Variants in YAP1 observed in about 807,000 individuals in gnomAD.
YAP1 encodes transcriptional coactivator YAP1.
YAP1 carries 5 observed loss-of-function variants against 56.9 expected under a neutral mutation model. That is an observed-to-expected ratio of 0.09 (90% CI 0.05 to 0.18). The LOEUF is 0.18. Among genes scored for constraint, YAP1 ranks in the 10% least tolerant of loss-of-function variants. The pLI is 1.00. For missense variants in YAP1, 539 were observed against 651.8 expected (o/e 0.83, Z 1.88); for synonymous variants, 265 against 248.1 (o/e 1.07, Z -0.64).
At chr11:102,176,745 C>CAAAAAAAAAAAAAAAAAAAAAAAAAAAAA (rs57082707) in intron 3 of YAP1, among the ~76,000 whole-genome samples, 10 of 45,510 alleles carry the variant, frequency 2.2e-4, no homozygotes, top group African/African-American at 3.6e-4. Context: ...GACTCCGTCT[C>CAAAAAAAAAAAAAAAAAAAAAAAAAAAAA]AAAAAAAAAA....
intron 3 of YAP1, among the ~76,000 whole-genome samples, chr11:102,166,113 T>C (rs1410931193): frequency 6.6e-6 from 1 of 152,208 alleles, no homozygotes; most frequent in African/African-American, 2.4e-5. Context: ...AACACATCGA[T>C]TCTAGGAGTC....
At chr11:102,210,120 A>C (rs1486071800) in intron 6 of YAP1, among the ~76,000 whole-genome samples, 1 of 152,190 alleles carries the variant, frequency 6.6e-6, no homozygotes, top group Non-Finnish European at 1.5e-5. Flanking sequence ...GATGAACCCC[A>C]GGGAGCCCTG....
chr11:102,175,669 T>A (rs4754838), intron 3 of YAP1, among the ~76,000 whole-genome samples: 1 of 152,220 alleles, frequency 6.6e-6, no homozygotes, highest in Admixed American at 6.5e-5. Context: ...CTTATCGCTC[T>A]TAGGCTACAA....
At chr11:102,124,484 A>G (rs1267298500) in intron 2 of YAP1, among the ~76,000 whole-genome samples, 2 of 152,150 alleles carry the variant, frequency 1.3e-5, no homozygotes, top group Non-Finnish European at 2.9e-5. Context: ...CTAAAGTACA[A>G]TTTCCAGGAC....
At chr11:102,121,438 CA>C (rs58207163) in intron 2 of YAP1, among the ~76,000 whole-genome samples, 9 of 144,506 alleles carry the variant, frequency 6.2e-5, no homozygotes, top group Admixed American at 6.8e-5. Context: ...GACCTTGTCT[CA>C]AAAAAAAAAA....
chr11:102,168,327 A>G (rs1014537767), intron 3 of YAP1, among the ~76,000 whole-genome samples: 1 of 152,226 alleles, frequency 6.6e-6, no homozygotes, highest in Non-Finnish European at 1.5e-5. Context: ...GTGATAATCC[A>G]GAAATAACTG....
chr11:102,223,375 G>A (rs1950045283), intron 6 of YAP1, among the ~76,000 whole-genome samples: 2 of 151,582 alleles, frequency 1.3e-5, no homozygotes, highest in African/African-American at 4.9e-5. Flanking sequence ...AGAAAACAAA[G>A]TAGCAAAATG....
chr11:102,155,056 G>A (rs1033612892), intron 2 of YAP1, among the ~76,000 whole-genome samples: 2 of 152,196 alleles, frequency 1.3e-5, no homozygotes, highest in Non-Finnish European at 2.9e-5. Flanking sequence ...CACAGCTGCT[G>A]AAGCAGAGGT....
At chr11:102,125,076 G>T (rs1424941395) in intron 2 of YAP1, among the ~76,000 whole-genome samples, 9 of 148,904 alleles carry the variant, frequency 6.0e-5, no homozygotes, top group African/African-American at 1.5e-4. Context: ...TTCCTCTGTT[G>T]CCCAGGCTGG....
intron 4 of YAP1, among the ~76,000 whole-genome samples, chr11:102,194,181 A>G (rs1591381072): frequency 6.6e-6 from 1 of 152,326 alleles, no homozygotes; most frequent in Middle Eastern, 3.4e-3. Context: ...AACATCTTAT[A>G]TGCTGGAAAA....
intron 7 of YAP1, among the ~76,000 whole-genome samples, chr11:102,225,232 C>T (rs908103448): frequency 6.6e-6 from 1 of 151,916 alleles, no homozygotes; most frequent in African/African-American, 2.4e-5. Flanking sequence ...GCCTGTAATC[C>T]CAGCACTTTG....
chr11:102,180,770 T>C (rs1947561822), intron 3 of YAP1, among the ~76,000 whole-genome samples: 4 of 152,094 alleles, frequency 2.6e-5, no homozygotes, highest in Admixed American at 2.0e-4. Flanking sequence ...GAAATTTTTT[T>C]ACTAGCACAG....
chr11:102,216,865 T>C (rs1437732757), intron 6 of YAP1, among the ~76,000 whole-genome samples: 1 of 152,240 alleles, frequency 6.6e-6, no homozygotes, highest in Non-Finnish European at 1.5e-5. Flanking sequence ...GCTTCTGTTC[T>C]GTATTTCAAA....
intron 4 of YAP1, among the ~76,000 whole-genome samples, chr11:102,189,198 A>G (rs1948147353): frequency 6.6e-6 from 1 of 151,996 alleles, no homozygotes. Flanking sequence ...TTTTCCCTGG[A>G]GATTTTGTAC....
intron 4 of YAP1, among the ~76,000 whole-genome samples, chr11:102,198,728 C>T (rs921650285): frequency 6.6e-6 from 1 of 152,060 alleles, no homozygotes; most frequent in South Asian, 2.1e-4. Context: ...TGTGATGAAT[C>T]TCAGATCAGT....
intron 2 of YAP1, among the ~76,000 whole-genome samples, chr11:102,115,608 TAA>T (rs11401798): frequency 6.6e-6 from 1 of 151,822 alleles, no homozygotes; most frequent in Non-Finnish European, 1.5e-5. Flanking sequence ...TCTTTTTTTT[TAA>T]AAAAATTCAT....
At position 102,209,617 on chromosome 11, in the gene YAP1, A is replaced by C. The variant is rs1233123584; in HGVS notation, c.1032+53A>C. On this transcript the variant is annotated intron_variant, in intron 6 of 8. Coordinates refer to ENST00000282441, the MANE Select transcript of YAP1 (RefSeq NM_001130145.3). ...TGGAAAAAAAAAAAAAAAGATATTA[A>C]ATTAGGAAAGAGAAACTTACATTCC... 5 of 1,467,512 alleles carry C rather than the reference A, an allele frequency of 3.4e-6. No individual in the cohort carries two copies. The African/African-American group carries it at 7.2e-5, about 21-fold the overall frequency. The allele number at this position is 1,467,512 out of a possible 1,614,324, so 90.9% of individuals were successfully genotyped here. A position where few individuals can be genotyped will look rare whatever the true frequency, so the allele number is the denominator to read the frequency against.
At chr11:102,190,554 C>T (rs370602674) in intron 4 of YAP1, among the ~76,000 whole-genome samples, 102 of 151,980 alleles carry the variant, frequency 6.7e-4, no homozygotes, top group African/African-American at 2.3e-3. Flanking sequence ...TGAATCCAGG[C>T]GGCAGAGGTT....
At chr11:102,160,372 G>A (rs971342879) in intron 2 of YAP1, among the ~76,000 whole-genome samples, 4 of 152,180 alleles carry the variant, frequency 2.6e-5, no homozygotes, top group Non-Finnish European at 5.9e-5. Flanking sequence ...TGTAGAAATA[G>A]TAAGCATAAT....
Sources: gnomAD v4.1 joint callset for allele counts (sites outside exome capture counted in the v4.1 genomes callset) on GRCh38, gnomAD v4.1.1 for gene constraint, MANE v1.5 for transcripts, NCBI Gene and HGNC (gene_info 2026-07-23, HGNC 2026-07-21) for gene names.